The following YTHDC2 variants were observed in gnomAD, a reference collection of about 807,000 sequenced individuals.
YTHDC2 encodes the protein 3'-5' RNA helicase YTHDC2.
In YTHDC2, 45 loss-of-function variants were observed where a neutral mutation model predicts 174.9. That is an observed-to-expected ratio of 0.26 (90% CI 0.20 to 0.33). The LOEUF is 0.33. Ranked by LOEUF, YTHDC2 falls within the 10% of genes least tolerant of loss-of-function variation. The pLI, the probability that YTHDC2 is intolerant of heterozygous loss-of-function variation, is 1.00. For synonymous variants in YTHDC2, 657 were observed against 574.5 expected (o/e 1.14, Z -2.05); for missense variants, 1,650 against 1,723.7 (o/e 0.96, Z 0.76).
chr5:113,530,273 T>A (rs1214871316), intron 4 of YTHDC2, among the ~76,000 whole-genome samples: 1 of 152,022 alleles, frequency 6.6e-6, no homozygotes, highest in African/African-American at 2.4e-5. Flanking sequence ...CCTACCCAAT[T>A]TAAGAGGCTA....
At position 113,543,682 on chromosome 5, in the gene YTHDC2, TCCTTTC is replaced by T. The variant is rs532243659; in HGVS notation, c.1495+1181_1495+1186del. ...GTTACACTGTGGATAAAAATCAAAG[TCCTTTC>T]CATGATTAGGCCTCTGGCTTCCTCC... is the stretch of plus-strand genomic sequence containing the variant. On this transcript the variant is annotated intron_variant, in intron 10 of 29. Coordinates refer to ENST00000161863, the MANE Select transcript of YTHDC2 (RefSeq NM_022828.5). 2.0e-4 allele frequency among the ~76,000 whole-genome samples: 31 copies of T among 152,346 alleles called. No individual in the cohort carries two copies. In the South Asian group the frequency reaches 6.2e-3, roughly 31 times the overall value.
At chr5:113,545,443 G>T (rs1486587001) in intron 10 of YTHDC2, among the ~76,000 whole-genome samples, 1 of 151,904 alleles carries the variant, frequency 6.6e-6, no homozygotes, top group African/African-American at 2.4e-5. Flanking sequence ...GAGTGCAGTG[G>T]TGCTATTGTG....
At chr5:113,522,789 G>A (rs1291265850) in intron 2 of YTHDC2, among the ~76,000 whole-genome samples, 2 of 152,072 alleles carry the variant, frequency 1.3e-5, no homozygotes, top group Middle Eastern at 3.2e-3. Flanking sequence ...ATCCTTTTAT[G>A]ATATATCAGT....
At chr5:113,553,884 C>G in intron 15 of YTHDC2, 30 bp downstream of exon 15, 2 of 1,586,122 alleles carry the variant, frequency 1.3e-6, no homozygotes, top group Non-Finnish European at 1.7e-6. Flanking sequence ...CTTTTTAACA[C>G]TTTCATTAGT....
At chr5:113,515,446 CTTATTACTG>C in intron 2 of YTHDC2, 84 bp downstream of exon 2, 2 of 1,107,956 alleles carry the variant, frequency 1.8e-6, no homozygotes, top group Non-Finnish European at 2.7e-6. Flanking sequence ...CATTTAAGTA[CTTATTACTG>C]TTTTAACTTC....
intron 4 of YTHDC2, among the ~76,000 whole-genome samples, chr5:113,527,047 A>C (rs1354488423): frequency 6.6e-6 from 1 of 152,048 alleles, no homozygotes; most frequent in Non-Finnish European, 1.5e-5. Flanking sequence ...ATTTAAACAG[A>C]GTTGGGAAAC....
intron 10 of YTHDC2, 84 bp from the exon 11 acceptor site, chr5:113,548,457 C>G (rs1404996241): frequency 3.7e-6 from 5 of 1,334,160 alleles, no homozygotes; most frequent in Non-Finnish European, 5.1e-6. Flanking sequence ...AAACTCAGTT[C>G]TGCTATTTCA....
chr5:113,550,928 G>A (rs4235796), intron 12 of YTHDC2, among the ~76,000 whole-genome samples: 95,040 of 151,798 alleles, frequency 0.63, 32,201 homozygotes, highest in African/African-American at 0.9. Context: ...TTGAATATAT[G>A]TTTTATAATA....
At chr5:113,572,887 T>C (rs1388927815) in intron 23 of YTHDC2, among the ~76,000 whole-genome samples, 1 of 152,224 alleles carries the variant, frequency 6.6e-6, no homozygotes, top group Non-Finnish European at 1.5e-5. Context: ...GACAGCATAC[T>C]CGTGGGTCTT....
intron 20 of YTHDC2, among the ~76,000 whole-genome samples, chr5:113,565,395 T>G (rs918608584): frequency 2.0e-5 from 3 of 152,188 alleles, no homozygotes; most frequent in African/African-American, 7.2e-5. Context: ...GCTTCAGTCT[T>G]TTAGTTATAT....
intron 12 of YTHDC2, among the ~76,000 whole-genome samples, chr5:113,549,697 G>A (rs956509630): frequency 6.6e-6 from 1 of 151,826 alleles, no homozygotes; most frequent in African/African-American, 2.4e-5. Context: ...TACCCCCCAC[G>A]CAATGTCCAT....
chr5:113,553,051 C>T (rs1776355529), intron 12 of YTHDC2, 130 bp from the exon 13 acceptor site: 1 of 886,484 alleles, frequency 1.1e-6, no homozygotes, highest in South Asian at 2.8e-5. Context: ...AAACATGAAT[C>T]ATATTATAGC....
intron 23 of YTHDC2, among the ~76,000 whole-genome samples, chr5:113,569,139 TG>T (rs1228559431): frequency 6.6e-6 from 1 of 152,164 alleles, no homozygotes; most frequent in Admixed American, 6.6e-5. Flanking sequence ...GTTGGCCACA[TG>T]TACATCTTTT....
At chr5:113,563,716 A>G (rs554724817) in intron 19 of YTHDC2, 143 bp from the exon 20 acceptor site, 5 of 1,024,370 alleles carry the variant, frequency 4.9e-6, no homozygotes, top group Middle Eastern at 3.2e-4. Flanking sequence ...TTTATATAGT[A>G]TAATAGAAAC....
At chr5:113,578,807 G>A (rs1435856377) in intron 23 of YTHDC2, among the ~76,000 whole-genome samples, 1 of 151,990 alleles carries the variant, frequency 6.6e-6, no homozygotes, top group Admixed American at 6.6e-5. Flanking sequence ...GGATATCTCT[G>A]ATTTCTTCCT....
chr5:113,528,999 T>G (rs1244663929), intron 4 of YTHDC2, among the ~76,000 whole-genome samples: 1 of 152,224 alleles, frequency 6.6e-6, no homozygotes, highest in African/African-American at 2.4e-5. Context: ...TAACATAGGC[T>G]AAGAACACAT....
At chr5:113,539,269 G>A (rs922955142) in intron 8 of YTHDC2, 88 bp downstream of exon 8, 7 of 509,770 alleles carry the variant, frequency 1.4e-5, no homozygotes, top group Non-Finnish European at 2.3e-5. Flanking sequence ...GAGGTACAAG[G>A]ACACTTGAAA....
intron 17 of YTHDC2, among the ~76,000 whole-genome samples, chr5:113,559,234 T>G (rs888458960): frequency 6.6e-6 from 1 of 151,922 alleles, no homozygotes; most frequent in Middle Eastern, 3.2e-3. Context: ...AAAATGCATC[T>G]TATGAAAAAA....
In YTHDC2 at chr5:113,563,393, G is replaced by T. The variant is rs767975956; in HGVS notation, c.2343G>T (p.Lys781Asn). The change falls in exon 19 of 30, where the codon AAG (lysine) becomes AAT (asparagine). Residue 781 changes from lysine to asparagine, a missense_variant. By Grantham distance (94) the Lys-to-Asn change is moderately conservative. This residue lies in a region of YTHDC2 where 913 missense variants were observed against 940.4 expected (regional missense o/e 0.97). Transcript: ENST00000161863. ...MPLQELCLHT[K>N]LLAPVNCPIA... Reference sequence around the variant, plus strand: ...TATAGGAACTTTGCTTACATACCAAGCTGTTAGCCCCAGTTAATTGTCCCA... The same window carrying T: ...TATAGGAACTTTGCTTACATACCAATCTGTTAGCCCCAGTTAATTGTCCCA... 1 of 1,610,682 alleles carries T rather than the reference G, an allele frequency of 6.2e-7. No homozygotes were observed. The highest frequency in any genetic ancestry group is 8.5e-7 in the Non-Finnish European group (1 of 1,178,202).
Sources: gnomAD v4.1 joint callset for allele counts (sites outside exome capture counted in the v4.1 genomes callset) on GRCh38, gnomAD v4.1.1 for gene constraint, gnomAD v4.1.1 regional missense constraint, MANE v1.5 for transcripts, NCBI Gene and HGNC (gene_info 2026-07-23, HGNC 2026-07-21) for gene names.